NR3C2: variants seen among roughly 807,000 people sequenced by gnomAD.
The protein encoded by NR3C2 is nuclear receptor subfamily 3 group C member 2.
NR3C2 carries 15 observed loss-of-function variants against 86.4 expected under a neutral mutation model. The observed-to-expected ratio is 0.17, with a 90% CI of 0.12 to 0.27. The LOEUF (loss-of-function observed/expected upper bound fraction) is 0.27, where lower values mean the gene tolerates loss of function less well. Among genes scored for constraint, NR3C2 ranks in the 10% least tolerant of loss-of-function variants. The pLI, the probability that NR3C2 is intolerant of heterozygous loss-of-function variation, is 1.00. For missense variants in NR3C2, 960 were observed against 1,195.6 expected (o/e 0.80, Z 2.91); for synonymous variants, 458 against 450.5 (o/e 1.02, Z -0.21).
chr4:148,176,954 C>T (rs1053203327), intron 4 of NR3C2, among the ~76,000 whole-genome samples: 2 of 152,136 alleles, frequency 1.3e-5, no homozygotes, highest in African/African-American at 4.8e-5. Flanking sequence ...AGAACAATTA[C>T]ATTTTGGAGT....
At chr4:148,297,536 G>A (rs1228841910) in intron 2 of NR3C2, among the ~76,000 whole-genome samples, 3 of 152,188 alleles carry the variant, frequency 2.0e-5, no homozygotes, top group Non-Finnish European at 4.4e-5. Context: ...AAGACAGGTG[G>A]ATCACCTGAG....
chr4:148,182,011 A>G (rs761706316), intron 4 of NR3C2, among the ~76,000 whole-genome samples: 1 of 152,234 alleles, frequency 6.6e-6, no homozygotes, highest in Non-Finnish European at 1.5e-5. Flanking sequence ...CTAATCAGAT[A>G]GGAAAAAAAT....
intron 2 of NR3C2, among the ~76,000 whole-genome samples, chr4:148,407,058 G>A (rs891854573): frequency 9.2e-5 from 14 of 152,084 alleles, no homozygotes; most frequent in African/African-American, 3.4e-4. Flanking sequence ...TGTATCTGTG[G>A]GTATTATTCA....
chr4:148,380,645 G>A (rs1033378089), intron 2 of NR3C2, among the ~76,000 whole-genome samples: 5 of 152,128 alleles, frequency 3.3e-5, no homozygotes, highest in African/African-American at 4.8e-5. Context: ...TAGTGGGCGC[G>A]AAGTGGTACC....
At position 148,079,528 on chromosome 4, in the gene NR3C2, C is replaced by A. The variant is rs779007802; in HGVS notation, c.*1816G>T. ...ATTAATATGATTTCACTGAGTAAAC[C>A]TGATGATTATCATCATTTTTAAAAG... is the stretch of plus-strand genomic sequence containing the variant. On this transcript the variant is annotated 3_prime_UTR_variant, in exon 9 of 9. Transcript: ENST00000358102. 2.0e-5 allele frequency: 3 copies of A among 152,606 alleles called. No homozygotes were observed. Among genetic ancestry groups the A allele is most frequent in the Non-Finnish European group, 2.9e-5 (2 of 68,036 alleles). The allele number at this position is 152,606 out of a possible 1,614,324, so 9.5% of individuals were successfully genotyped here.
At chr4:148,321,799 T>C (rs925567576) in intron 2 of NR3C2, among the ~76,000 whole-genome samples, 1 of 152,256 alleles carries the variant, frequency 6.6e-6, no homozygotes, top group African/African-American at 2.4e-5. Context: ...GTTTCCTGAA[T>C]ACAGCACACT....
Position 148,254,098 on chromosome 4 carries a change from C to A in NR3C2, c.1897+5880G>T, listed in dbSNP as rs985547683. Among the ~76,000 whole-genome samples, 4 of 152,146 alleles carry A rather than the reference C, an allele frequency of 2.6e-5. No homozygotes were observed. In the East Asian group the frequency reaches 5.8e-4, roughly 22 times the overall value. ...TTACTATCTGCCCGCCCTCTCAATC[C>A]CTGATAGCCCTGGTCTAGGTCCATC... On this transcript the variant is annotated intron_variant, in intron 3 of 8. Transcript: ENST00000358102.
chr4:148,315,651 G>A (rs550414787), intron 2 of NR3C2, among the ~76,000 whole-genome samples: 1 of 152,232 alleles, frequency 6.6e-6, no homozygotes, highest in East Asian at 1.9e-4. Context: ...AGAATAAAAC[G>A]CTGTTTGGCT....
At chr4:148,195,174 C>T (rs3910055) in intron 3 of NR3C2, among the ~76,000 whole-genome samples, 3,537 of 152,292 alleles carry the variant, frequency 0.023, 134 homozygotes, top group African/African-American at 0.078. Flanking sequence ...TTCCTGCAGA[C>T]ATCACAACAG....
At chr4:148,383,696 T>C (rs11730006) in intron 2 of NR3C2, among the ~76,000 whole-genome samples, 10,496 of 152,172 alleles carry the variant, frequency 0.069, 457 homozygotes, top group African/African-American at 0.13. Flanking sequence ...CTCACACCTG[T>C]AATCCCAGCA....
rs142520158 is a variant in NR3C2, at chr4:148,400,773, C to T, written c.1757+34331G>A. Among the ~76,000 whole-genome samples the T allele has an allele frequency of 3.2e-4, 31 of 95,818 alleles. No individual in the cohort carries two copies. In the East Asian group the frequency reaches 8.2e-3, roughly 25 times the overall value. 62.9% of individuals were successfully genotyped at this position (95,818 alleles called of 152,430 possible). A position where few individuals can be genotyped will look rare whatever the true frequency, so the allele number is the denominator to read the frequency against. ...CAGCCTGGGCGACTGAGTGAGACTC[C>T]GTCTCAAAAAAAAAAAAAAAAAAAA... On this transcript the variant is annotated intron_variant, in intron 2 of 8. Transcript: ENST00000358102.
intron 2 of NR3C2, among the ~76,000 whole-genome samples, chr4:148,276,602 T>C (rs1300888221): frequency 6.6e-6 from 1 of 152,208 alleles, no homozygotes; most frequent in Non-Finnish European, 1.5e-5. Context: ...TATTGTCTGA[T>C]AACAACAGTT....
At position 148,079,913 on chromosome 4, in the gene NR3C2, C is replaced by G. The variant is rs1481738566; in HGVS notation, c.*1431G>C. 2.0e-5 allele frequency: 3 copies of G among 152,372 alleles called. No homozygotes were observed. The highest frequency in any genetic ancestry group is 6.5e-5 in the Admixed American group (1 of 15,280). 9.4% of individuals were successfully genotyped at this position (152,372 alleles called of 1,614,324 possible). The stretch of plus-strand genomic sequence containing the variant: ...GACCGGTTCCAGGAGTGCAGAACCT[C>G]TTTCCAAGATCAGAAGGGAATAGCT... On this transcript the variant is annotated 3_prime_UTR_variant, in exon 9 of 9. Transcript: ENST00000358102.
intron 6 of NR3C2, among the ~76,000 whole-genome samples, chr4:148,130,476 C>G (rs1254077717): frequency 6.6e-6 from 1 of 152,108 alleles, no homozygotes; most frequent in Non-Finnish European, 1.5e-5. Context: ...CAAAAAGAAG[C>G]CTTTGAAATA....
intron 2 of NR3C2, chr4:148,368,304 C>T (rs1377128309): frequency 6.6e-6 from 1 of 152,010 alleles, no homozygotes; most frequent in Admixed American, 6.6e-5. Flanking sequence ...GCTTAAAAAT[C>T]CCTTAGTGTG....
At chr4:148,367,257 G>GT (rs1746191371) in intron 2 of NR3C2, among the ~76,000 whole-genome samples, 1 of 152,152 alleles carries the variant, frequency 6.6e-6, no homozygotes, top group Non-Finnish European at 1.5e-5. Flanking sequence ...TTAATAGGTG[G>GT]TTTCAACGAA....
At chr4:148,178,109 G>A (rs964179745) in intron 4 of NR3C2, among the ~76,000 whole-genome samples, 5 of 152,210 alleles carry the variant, frequency 3.3e-5, no homozygotes, top group African/African-American at 9.6e-5. Flanking sequence ...AGGCCAAGGC[G>A]GGGGAATCCC....
chr4:148,341,388 T>G (rs9992528), intron 2 of NR3C2, among the ~76,000 whole-genome samples: 1 of 152,052 alleles, frequency 6.6e-6, no homozygotes, highest in Non-Finnish European at 1.5e-5. Context: ...CTCACTCATA[T>G]GTGGGAACTT....
At chr4:148,302,007 A>T (rs1375012904) in intron 2 of NR3C2, among the ~76,000 whole-genome samples, 1 of 152,230 alleles carries the variant, frequency 6.6e-6, no homozygotes, top group Admixed American at 6.5e-5. Flanking sequence ...TTGTTATGTT[A>T]AGTTATTGTA....
Sources: gnomAD v4.1 joint callset for allele counts (sites outside exome capture counted in the v4.1 genomes callset) on GRCh38, gnomAD v4.1.1 for gene constraint, MANE v1.5 for transcripts, NCBI Gene and HGNC (gene_info 2026-07-23, HGNC 2026-07-21) for gene names.